PRKG1: variants seen among roughly 807,000 people sequenced by gnomAD.
PRKG1 encodes cGMP-dependent protein kinase 1.
In PRKG1, 35 loss-of-function variants were observed where a neutral mutation model predicts 88.1. The ratio of observed to expected loss-of-function variants is 0.40; its 90% CI spans 0.30 to 0.53. PRKG1 has a LOEUF of 0.53. Ranked by LOEUF, PRKG1 falls within the 20% of genes least tolerant of loss-of-function variation. The pLI is 0.59. For missense variants in PRKG1, 540 were observed against 839.8 expected, an observed-to-expected ratio of 0.64 and a Z score of 4.41; for synonymous variants, 303 against 292.5, an observed-to-expected ratio of 1.04 and a Z score of -0.37.
chr10:51,087,703 G>T (rs962967962), intron 1 of PRKG1, among the ~76,000 whole-genome samples: 2 of 152,146 alleles, frequency 1.3e-5, no homozygotes, highest in Non-Finnish European at 2.9e-5. Flanking sequence ...AGACTAGCGT[G>T]CCTTAGTATA....
chr10:51,886,871 G>T (rs1841582515), intron 4 of PRKG1, among the ~76,000 whole-genome samples: 2 of 152,096 alleles, frequency 1.3e-5, no homozygotes, highest in Non-Finnish European at 1.5e-5. Flanking sequence ...TATACAAAAA[G>T]TTAGCCATCC....
intron 7 of PRKG1, among the ~76,000 whole-genome samples, chr10:52,068,673 T>G (rs1196027464): frequency 6.9e-6 from 1 of 145,728 alleles, no homozygotes; most frequent in Non-Finnish European, 1.6e-5. Flanking sequence ...TTTATCTACA[T>G]CATCATCTTC....
At chr10:51,998,432 T>C (rs1844508950) in intron 5 of PRKG1, among the ~76,000 whole-genome samples, 1 of 152,188 alleles carries the variant, frequency 6.6e-6, no homozygotes, top group African/African-American at 2.4e-5. Context: ...TTTACATTGC[T>C]ATGGTCACTT....
intron 1 of PRKG1, among the ~76,000 whole-genome samples, chr10:51,068,841 C>G (rs1254438772): frequency 1.3e-5 from 2 of 151,970 alleles, no homozygotes. Context: ...TGCTCATGTA[C>G]ATATTCATTA....
At chr10:51,929,921 T>C (rs1842654046) in intron 5 of PRKG1, among the ~76,000 whole-genome samples, 1 of 152,160 alleles carries the variant, frequency 6.6e-6, no homozygotes, top group Admixed American at 6.6e-5. Context: ...GTATGAATCT[T>C]TGTGTAATAA....
At chr10:51,256,587 T>A (rs996103149) in intron 2 of PRKG1, among the ~76,000 whole-genome samples, 1 of 152,142 alleles carries the variant, frequency 6.6e-6, no homozygotes, top group African/African-American at 2.4e-5. Context: ...AGGGCCATGA[T>A]GTTTGGAGAC....
intron 5 of PRKG1, among the ~76,000 whole-genome samples, chr10:51,941,639 T>A (rs1842910423): frequency 7.0e-6 from 1 of 142,284 alleles, no homozygotes. Context: ...GAGTGTGATG[T>A]TCCCCGTCCT....
At chr10:51,275,168 C>A (rs767290848) in intron 2 of PRKG1, among the ~76,000 whole-genome samples, 2 of 152,132 alleles carry the variant, frequency 1.3e-5, no homozygotes, top group Non-Finnish European at 2.9e-5. Flanking sequence ...ATCTGAGGAC[C>A]ACACTTGTCA....
At chr10:51,673,525 T>TA (rs2132353407) in intron 3 of PRKG1, among the ~76,000 whole-genome samples, 1 of 152,304 alleles carries the variant, frequency 6.6e-6, no homozygotes, top group South Asian at 2.1e-4. Flanking sequence ...AAGGATCTTG[T>TA]GAACCACTGT....
chr10:51,936,314 G>A (rs35373694), intron 5 of PRKG1, among the ~76,000 whole-genome samples: 3,819 of 151,830 alleles, frequency 0.025, 68 homozygotes, highest in Non-Finnish European at 0.039. Context: ...TGGCCTCCTC[G>A]AGTCCTGGAA....
Position 52,252,326 on chromosome 10 carries a change from CTACTT to C in PRKG1, c.1173+662_1173+666del, listed in dbSNP as rs1292804722. On this transcript the variant is annotated intron_variant, in intron 10 of 17. Coordinates refer to ENST00000373980, the MANE Select transcript of PRKG1 (RefSeq NM_006258.4). Reference sequence around the variant, plus strand: ...GGTGTAAACAATATGAAAACGTACTCTACTTTGCATTTATTTGAAATATAAATTTT... The same window carrying C: ...GGTGTAAACAATATGAAAACGTACTCTGCATTTATTTGAAATATAAATTTT... 4 of 152,102 alleles carry C rather than the reference CTACTT, an allele frequency of 2.6e-5. No homozygotes were observed. The East Asian group carries it at 5.8e-4, about 22-fold the overall frequency. 9.4% of individuals were successfully genotyped at this position (152,102 alleles called of 1,614,324 possible).
At chr10:51,748,400 T>C (rs1391882422) in intron 3 of PRKG1, among the ~76,000 whole-genome samples, 1 of 152,200 alleles carries the variant, frequency 6.6e-6, no homozygotes, top group Non-Finnish European at 1.5e-5. Context: ...GTATGATAAT[T>C]AAATTTTTCA....
intron 5 of PRKG1, among the ~76,000 whole-genome samples, chr10:51,928,263 C>T (rs1427964996): frequency 6.6e-6 from 1 of 152,172 alleles, no homozygotes; most frequent in Admixed American, 6.5e-5. Flanking sequence ...AGCATTAAAG[C>T]TTTCTCTATT....
intron 3 of PRKG1, among the ~76,000 whole-genome samples, chr10:51,522,372 T>A (rs879439005): frequency 1.8e-4 from 28 of 152,222 alleles, no homozygotes; most frequent in Non-Finnish European, 4.1e-4. Context: ...ACTTTGCTTT[T>A]GAATAGTTTA....
At chr10:52,289,405 A>G (rs989520331) in intron 16 of PRKG1, among the ~76,000 whole-genome samples, 6 of 152,202 alleles carry the variant, frequency 3.9e-5, no homozygotes, top group Non-Finnish European at 8.8e-5. Context: ...GGAGAAAAAC[A>G]TAAGTACAGA....
At chr10:52,023,296 T>C (rs192113687) in intron 5 of PRKG1, among the ~76,000 whole-genome samples, 100 of 152,340 alleles carry the variant, frequency 6.6e-4, no homozygotes, top group African/African-American at 2.1e-3. Flanking sequence ...GTGCCACATT[T>C]TCTTTATCCA....
At chr10:51,097,111 C>T (rs1181029778) in intron 1 of PRKG1, among the ~76,000 whole-genome samples, 2 of 152,194 alleles carry the variant, frequency 1.3e-5, no homozygotes, top group African/African-American at 4.8e-5. Context: ...CTGGTTGACT[C>T]AGATCCTGCC....
At chr10:51,554,649 G>T (rs16919587) in intron 3 of PRKG1, among the ~76,000 whole-genome samples, 22,438 of 150,436 alleles carry the variant, frequency 0.15, 1,858 homozygotes, top group African/African-American at 0.22. Flanking sequence ...GTAATCACTG[G>T]TTTCCTTGTG....
chr10:51,609,986 T>G (rs565409591), intron 3 of PRKG1, among the ~76,000 whole-genome samples: 6 of 152,058 alleles, frequency 3.9e-5, no homozygotes, highest in Non-Finnish European at 8.8e-5. Context: ...TACCCCAAAC[T>G]TATAAATTAA....
Sources: gnomAD v4.1 joint callset for allele counts (sites outside exome capture counted in the v4.1 genomes callset) on GRCh38, gnomAD v4.1.1 for gene constraint, MANE v1.5 for transcripts, NCBI Gene and HGNC (gene_info 2026-07-23, HGNC 2026-07-21) for gene names.